Variants in C2 observed in about 807,000 individuals in gnomAD.
C2 encodes complement C2.
A neutral mutation model predicts 85.2 loss-of-function variants in C2; 64 were observed. That is an observed-to-expected ratio of 0.75 (90% confidence interval 0.61 to 0.92). The LOEUF is 0.92. C2 is among the 40% of genes least tolerant of loss of function. The pLI is 0.00. For synonymous variants in C2, 311 were observed against 370.8 expected (o/e 0.84, Z 1.85); for missense variants, 820 against 971.6 (o/e 0.84, Z 2.07).
upstream of C2, chr6:31,900,715 C>T (rs200727293): frequency 1.4e-5 from 23 of 1,602,888 alleles, no homozygotes; most frequent in Non-Finnish European, 1.9e-5. The surrounding 1 kb of genome is among the most constrained non-coding windows in gnomAD (Gnocchi z 9.7). Flanking sequence ...CATCCTCATC[C>T]TCTTCCTCGG....
At chr6:31,931,111 C>T (rs1769700930) in intron 3 of C2, among the ~76,000 whole-genome samples, 1 of 152,152 alleles carries the variant, frequency 6.6e-6, no homozygotes, top group African/African-American at 2.4e-5. Context: ...GAGATTTATC[C>T]ATGCTGTTGT....
intron 9 of C2, among the ~76,000 whole-genome samples, chr6:31,939,589 G>A (rs548373005): frequency 2.0e-5 from 3 of 148,590 alleles, no homozygotes; most frequent in Non-Finnish European, 4.4e-5. Flanking sequence ...CACCCATGCC[G>A]GCCCAGAAGC....
intron 8 of C2, among the ~76,000 whole-genome samples, chr6:31,938,458 A>ATATATATATATGTATG (rs746447672): frequency 4.4e-5 from 5 of 113,972 alleles, no homozygotes; most frequent in Admixed American, 1.7e-4. Context: ...ATATGTATGT[A>ATATATATATATGTATG]TATATATATA....
At chr6:31,928,446 C>CT (rs1769443166) in intron 2 of C2, among the ~76,000 whole-genome samples, 2 of 152,106 alleles carry the variant, frequency 1.3e-5, no homozygotes, top group South Asian at 4.1e-4. Context: ...TCCTGGAGTC[C>CT]TCTAGACATC....
In C2 at chr6:31,943,069, G is replaced by T. The variant is rs760729250; in HGVS notation, c.1330G>T (p.Ala444Ser). The part of the protein sequence containing the change: ...RHAFILQDTK[A>S]LHQVFEHMLD... ...TGCCTTCATTCTGCAGGACACAAAG[G>T]CTCTGCACCAGGTCTTTGAACATAT... Residue 444 changes from alanine to serine, a missense_variant, in exon 10 of 18, where the codon GCT becomes TCT. Ala to Ser is a moderately conservative substitution (Grantham distance 99). Coordinates refer to ENST00000299367, the MANE Select transcript of C2 (RefSeq NM_000063.6). The surrounding 1 kb of genome is among the most constrained non-coding windows in gnomAD (Gnocchi z 6.4). 1 of 1,613,072 alleles carries T rather than the reference G, an allele frequency of 6.2e-7. No individual in the cohort carries two copies. Among genetic ancestry groups the T allele is most frequent in the South Asian group, 1.1e-5 (1 of 91,082 alleles).
At chr6:31,936,162 T>G (rs1415701593) in intron 7 of C2, 101 bp downstream of exon 7, 2 of 1,307,326 alleles carry the variant, frequency 1.5e-6, no homozygotes, top group Admixed American at 2.0e-5. Flanking sequence ...GTGAGGCCTC[T>G]TGGTGGCACC....
At chr6:31,914,208 G>T (rs1274917338) in intron 1 of C2, among the ~76,000 whole-genome samples, 4 of 151,670 alleles carry the variant, frequency 2.6e-5, no homozygotes, top group African/African-American at 9.7e-5. Context: ...ACCACGCCCA[G>T]CCAGGAGATT....
rs1273058004 is a variant in C2 at position 31,943,547 on chromosome 6, A to G, written c.1567+20A>G. The G allele has an allele frequency of 1.2e-6, 2 of 1,600,878 alleles. No homozygotes were observed. The highest frequency in any genetic ancestry group is 1.7e-6 in the Non-Finnish European group (2 of 1,170,578). On this transcript the variant is annotated intron_variant, in intron 12 of 17. Coordinates refer to ENST00000299367, the MANE Select transcript of C2 (RefSeq NM_000063.6). This position sits in a 1 kb window ranked among gnomAD's most constrained non-coding sequence, Gnocchi z 6.4. ...ATGTGGGTAAGGCAGGGGATGCACCAGCCTCCTGATCCTGAAGCCACAGAT... is the reference window on the plus strand; with the variant it reads ...ATGTGGGTAAGGCAGGGGATGCACCGGCCTCCTGATCCTGAAGCCACAGAT...
chr6:31,900,724 G>C, upstream of C2: 1 of 1,599,016 alleles, frequency 6.3e-7, no homozygotes, highest in Non-Finnish European at 8.5e-7. The surrounding 1 kb of genome is among the most constrained non-coding windows in gnomAD (Gnocchi z 9.7). Flanking sequence ...CCTCTTCCTC[G>C]GCTTTCAGCT....
At chr6:31,907,527 G>A (rs994845272) in intron 1 of C2, among the ~76,000 whole-genome samples, 1 of 144,168 alleles carries the variant, frequency 6.9e-6, no homozygotes, top group African/African-American at 2.6e-5. Flanking sequence ...AGGCTGCAGT[G>A]AGCCTTGTTC....
chr6:31,935,230 C>T lies in C2; in HGVS notation c.850-693C>T, dbSNP rs1346748586. The T allele has an allele frequency of 7.4e-5, 13 of 176,478 alleles. No homozygotes were observed. The highest frequency in any genetic ancestry group is 1.3e-4 in the Non-Finnish European group (12 of 90,486). 10.9% of individuals were successfully genotyped at this position (176,478 alleles called of 1,614,324 possible). On this transcript the variant is annotated intron_variant, in intron 6 of 17. Transcript: ENST00000299367. This position sits in a 1 kb window ranked among gnomAD's most constrained non-coding sequence, Gnocchi z 4.3. ...TTAAGTAACTCATTGCACTGCGAGG[C>T]GGCAACACACACCAGTTGGAGCAGT...
intron 6 of C2, chr6:31,934,518 C>A: frequency 1.5e-6 from 2 of 1,310,034 alleles, no homozygotes; most frequent in Non-Finnish European, 2.1e-6. Flanking sequence ...TGGGCGACAG[C>A]AAAGATGGAA....
At chr6:31,917,639 C>G (rs2151724461), upstream of C2, among the ~76,000 whole-genome samples, 1 of 152,146 alleles carries the variant, frequency 6.6e-6, no homozygotes, top group South Asian at 2.1e-4. Context: ...GGCGCGGTGG[C>G]TCATGCCTGT....
At chr6:31,900,425 A>G, upstream of C2, 1 of 1,543,600 alleles carries the variant, frequency 6.5e-7, no homozygotes, top group South Asian at 1.2e-5. The surrounding 1 kb of genome is among the most constrained non-coding windows in gnomAD (Gnocchi z 9.7). Context: ...TGCTTCCACC[A>G]GGCCCGAGGT....
At chr6:31,916,217 C>T (rs1004640328), upstream of C2, among the ~76,000 whole-genome samples, 4 of 152,118 alleles carry the variant, frequency 2.6e-5, no homozygotes, top group Non-Finnish European at 4.4e-5. Flanking sequence ...AAAGCAGAAG[C>T]GAGGCTATAG....
intron 1 of C2, among the ~76,000 whole-genome samples, chr6:31,907,537 C>T (rs950955854): frequency 8.4e-5 from 11 of 131,382 alleles, no homozygotes; most frequent in East Asian, 2.3e-4. Flanking sequence ...GAGCCTTGTT[C>T]GCACTGCTGC....
upstream of C2, chr6:31,900,700 ATCC>A: frequency 6.2e-7 from 1 of 1,603,284 alleles, no homozygotes; most frequent in Non-Finnish European, 8.5e-7. The surrounding 1 kb of genome is among the most constrained non-coding windows in gnomAD (Gnocchi z 9.7). Flanking sequence ...ACACGTCCTC[ATCC>A]TCATCCTCAT....
chr6:31,945,639 G>A lies in C2; in HGVS notation c.*282G>A. 1.8e-6 allele frequency: 1 copy of A among 569,988 alleles called. No homozygotes were observed. Among genetic ancestry groups the A allele is most frequent in the Non-Finnish European group, 3.1e-6 (1 of 319,866 alleles). 35.3% of individuals were successfully genotyped at this position (569,988 alleles called of 1,614,324 possible). ...TTTCACTTTCACATGGAATTTCCCA[G>A]TTATGAAATTAATAAAAATCAATGG... On this transcript the variant is annotated 3_prime_UTR_variant, in exon 18 of 18. Transcript: ENST00000299367. This position sits in a 1 kb window ranked among gnomAD's most constrained non-coding sequence, Gnocchi z 5.3.
At chr6:31,905,536 G>C (rs1767657161) in intron 1 of C2, among the ~76,000 whole-genome samples, 1 of 152,030 alleles carries the variant, frequency 6.6e-6, no homozygotes, top group African/African-American at 2.4e-5. Flanking sequence ...GGAAGCTGAG[G>C]TGGGAGGATC....
Sources: allele counts gnomAD v4.1 joint callset (sites outside exome capture counted in the v4.1 genomes callset), GRCh38; gene constraint gnomAD v4.1.1; non-coding constraint Gnocchi (gnomAD v3.1); transcripts MANE v1.5; gene names NCBI Gene and HGNC (gene_info 2026-07-23, HGNC 2026-07-21).